Variants in CDKL5 observed in about 807,000 individuals in gnomAD.
CDKL5 encodes the protein cyclin dependent kinase like 5.
CDKL5 carries 8 observed loss-of-function variants against 61.7 expected under a neutral mutation model. That is an observed-to-expected ratio of 0.13 (90% CI 0.08 to 0.23). The LOEUF (loss-of-function observed/expected upper bound fraction) is 0.23, where lower values mean the gene tolerates loss of function less well. CDKL5 is among the 10% of genes least tolerant of loss of function. CDKL5 has a pLI of 1.00. For missense variants in CDKL5, 440 were observed against 734.5 expected (o/e 0.60, Z 4.63); for synonymous variants, 275 against 272.3 (o/e 1.01, Z -0.10).
intron 4 of CDKL5, among the ~76,000 whole-genome samples, chrX:18,574,622 G>A (rs1925235397): frequency 9.0e-6 from 1 of 111,705 alleles, no homozygotes; most frequent in South Asian, 3.8e-4. Flanking sequence ...TGAAGTTGAT[G>A]GTATGGAAGA....
chrX:18,488,368 G>A (rs1429611272), intron 1 of CDKL5, among the ~76,000 whole-genome samples: 1 of 110,858 alleles, frequency 9.0e-6, no homozygotes, highest in Non-Finnish European at 1.9e-5. Context: ...TTAATTAAAG[G>A]GATTTTATGT....
chrX:18,641,905 C>T (rs370884638), downstream of CDKL5: 66 of 971,171 alleles, frequency 6.8e-5, no homozygotes, highest in African/African-American at 9.9e-4. Context: ...AATTGCTTTG[C>T]GAAATATAGC....
At chrX:18,505,372 C>G (rs1295031312) in intron 1 of CDKL5, among the ~76,000 whole-genome samples, 1 of 112,068 alleles carries the variant, frequency 8.9e-6, no homozygotes, top group Non-Finnish European at 1.9e-5. Context: ...GACAACAGTA[C>G]TATAATCTGT....
chrX:18,431,588 A>C (rs896407763), intron 1 of CDKL5, among the ~76,000 whole-genome samples: 28 of 101,977 alleles, frequency 2.7e-4, no homozygotes, highest in African/African-American at 9.2e-4. Flanking sequence ...TGCCTAGCTA[A>C]TTTTTTTTTT....
At chrX:18,562,172 G>A (rs1350893203) in intron 3 of CDKL5, among the ~76,000 whole-genome samples, 1 of 111,440 alleles carries the variant, frequency 9.0e-6, no homozygotes, top group African/African-American at 3.3e-5. Context: ...ATTTTGCTTT[G>A]GCAGTGGGTG....
At chrX:18,485,724 C>A (rs1921766954) in intron 1 of CDKL5, among the ~76,000 whole-genome samples, 1 of 111,535 alleles carries the variant, frequency 9.0e-6, no homozygotes, top group African/African-American at 3.3e-5. Context: ...GGAATCTTGG[C>A]TTAAGGGAAT....
At chrX:18,609,405 C>T (rs1926468838) in intron 13 of CDKL5, 60 bp from the exon 14 acceptor site, 4 of 1,209,810 alleles carry the variant, frequency 3.3e-6, no homozygotes, top group Non-Finnish European at 4.5e-6. Context: ...AGAAAAAAGT[C>T]ATAGGCAATA....
At position 18,595,447 on chromosome X, in the gene CDKL5, A is replaced by G. The variant is rs1925960899; in HGVS notation, c.825+19A>G. 2 of 1,005,489 alleles carry G rather than the reference A, an allele frequency of 2.0e-6. No individual in the cohort carries two copies. Among genetic ancestry groups the G allele is most frequent in the Non-Finnish European group, 2.8e-6 (2 of 707,407 alleles). The allele number at this position is 1,005,489 out of a possible 1,213,427, so 82.9% of individuals were successfully genotyped here. A position where few individuals can be genotyped will look rare whatever the true frequency, so the allele number is the denominator to read the frequency against. On this transcript the variant is annotated intron_variant, in intron 10 of 17. Coordinates refer to ENST00000623535, the MANE Select transcript of CDKL5 (RefSeq NM_001323289.2). ...AATGAAGGTAAGGCCAATTGATATT[A>G]TCTCTATAAAATGTCTTTTGGTTTG...
chrX:18,537,057 G>A (rs1401474791), intron 3 of CDKL5, among the ~76,000 whole-genome samples: 2 of 108,777 alleles, frequency 1.8e-5, no homozygotes, highest in African/African-American at 6.7e-5. Flanking sequence ...GGGCGCTGGA[G>A]GGAAGGAGAA....
In CDKL5 at chrX:18,587,960, C is replaced by G; in HGVS notation, c.561C>G (p.Pro187=). The change falls in exon 9 of 18, where the codon CCC becomes CCG. Residue 187 remains proline (P), a synonymous_variant. Coordinates refer to ENST00000623535, the MANE Select transcript of CDKL5 (RefSeq NM_001323289.2). ...YRSPELLLGA[P]YGKSVDMWSV... ...CTCTTCCTTTATTTTTCAGCGCTCC[C>G]TATGGAAAGTCCGTGGACATGTGGT... 8.3e-7 allele frequency: 1 copy of G among 1,209,351 alleles called. No individual in the cohort carries two copies. Among genetic ancestry groups the G allele is most frequent in the South Asian group, 1.8e-5 (1 of 56,919 alleles).
intron 11 of CDKL5, among the ~76,000 whole-genome samples, chrX:18,599,438 A>G (rs1370462017): frequency 8.9e-6 from 1 of 112,442 alleles, no homozygotes; most frequent in Non-Finnish European, 1.9e-5. Context: ...ATAGAAAACA[A>G]TGATTCTTTA....
At chrX:18,533,094 T>C (rs1923702591) in intron 3 of CDKL5, among the ~76,000 whole-genome samples, 1 of 112,135 alleles carries the variant, frequency 8.9e-6, no homozygotes, top group Non-Finnish European at 1.9e-5. Flanking sequence ...TTTTTCTCTA[T>C]AAATGTAATT....
intron 1 of CDKL5, among the ~76,000 whole-genome samples, chrX:18,479,750 T>C (rs1318614934): frequency 2.7e-5 from 3 of 111,988 alleles, no homozygotes; most frequent in East Asian, 2.8e-4. Flanking sequence ...TAGATAGATA[T>C]GTTTAGTGGT....
At chrX:18,439,004 G>T (rs928552271) in intron 1 of CDKL5, among the ~76,000 whole-genome samples, 12 of 104,402 alleles carry the variant, frequency 1.1e-4, no homozygotes, top group Non-Finnish European at 2.2e-4. Flanking sequence ...CACATAGGAA[G>T]TGCTCAATAA....
At chrX:18,601,658 C>T (rs1475896547) in intron 11 of CDKL5, among the ~76,000 whole-genome samples, 1 of 112,398 alleles carries the variant, frequency 8.9e-6, no homozygotes, top group African/African-American at 3.2e-5. Flanking sequence ...GCTCTTTGTA[C>T]ACTTATGGAA....
chrX:18,476,855 C>T (rs1921333459), intron 1 of CDKL5, among the ~76,000 whole-genome samples: 1 of 111,090 alleles, frequency 9.0e-6, no homozygotes, highest in African/African-American at 3.3e-5. Flanking sequence ...CAACCTCTGC[C>T]TCCCGGGTTC....
At chrX:18,529,437 T>G (rs1458863331) in intron 3 of CDKL5, among the ~76,000 whole-genome samples, 1 of 111,090 alleles carries the variant, frequency 9.0e-6, no homozygotes, top group Admixed American at 9.6e-5. Flanking sequence ...AAAATAGATT[T>G]TATCTTATTT....
Position 18,556,313 on chromosome X carries a change from A to ATG in CDKL5, c.100-8146_100-8145dup, listed in dbSNP as rs369107915. 7.6e-3 allele frequency among the ~76,000 whole-genome samples: 837 copies of ATG among 109,724 alleles called. 2 individuals are homozygous for ATG. Among genetic ancestry groups the ATG allele is most frequent in the Non-Finnish European group, 0.012 (607 of 52,430 alleles). ...TTGGTGCTAACATTTCTCTTCAGTG[A>ATG]TGTGTGTGTGTGTGTGTGTTTCAGA... On this transcript the variant is annotated intron_variant, in intron 3 of 17. Transcript: ENST00000623535.
At chrX:18,566,860 GCTCTGCCCTCAT>G (rs1274401419) in intron 4 of CDKL5, among the ~76,000 whole-genome samples, 1 of 110,775 alleles carries the variant, frequency 9.0e-6, no homozygotes, top group Non-Finnish European at 1.9e-5. Context: ...ACATTAATCT[GCTCTGCCCTCAT>G]CTCTGCCAGA....
Sources: gnomAD v4.1 joint callset for allele counts (sites outside exome capture counted in the v4.1 genomes callset) on GRCh38, gnomAD v4.1.1 for gene constraint, MANE v1.5 for transcripts, NCBI Gene and HGNC (gene_info 2026-07-23, HGNC 2026-07-21) for gene names.